TMTC1: variants seen among roughly 807,000 people sequenced by gnomAD.
The protein encoded by TMTC1 is transmembrane O-mannosyltransferase targeting cadherins 1.
A neutral mutation model predicts 104.8 loss-of-function variants in TMTC1; 73 were observed. The ratio of observed to expected loss-of-function variants is 0.70; its 90% CI spans 0.58 to 0.85. TMTC1 has a LOEUF of 0.85. Among genes scored for constraint, TMTC1 ranks in the 40% least tolerant of loss-of-function variants. TMTC1 has a pLI of 0.00. For missense variants in TMTC1, 1,035 were observed against 1,096.1 expected, an observed-to-expected ratio of 0.94 and a Z score of 0.79; for synonymous variants, 434 against 428.7, an observed-to-expected ratio of 1.01 and a Z score of -0.15.
intron 10 of TMTC1, among the ~76,000 whole-genome samples, chr12:29,542,319 A>T (rs774375778): frequency 2.0e-5 from 3 of 152,124 alleles, no homozygotes; most frequent in East Asian, 3.9e-4. Context: ...AGAGGGTTCA[A>T]CCGGCACTGA....
intron 5 of TMTC1, among the ~76,000 whole-genome samples, chr12:29,751,236 C>A (rs117339013): frequency 0.015 from 2,313 of 152,310 alleles, 21 homozygotes; most frequent in Non-Finnish European, 0.021. Flanking sequence ...GATTTTCATA[C>A]ATCTTCAAAA....
intron 5 of TMTC1, among the ~76,000 whole-genome samples, chr12:29,685,822 T>G (rs549593493): frequency 2.0e-4 from 30 of 151,818 alleles, no homozygotes; most frequent in African/African-American, 6.0e-4. Flanking sequence ...ATAGATTCCC[T>G]AATTTAAAAG....
intron 2 of TMTC1, among the ~76,000 whole-genome samples, chr12:29,761,104 T>C (rs1036086025): frequency 2.7e-5 from 4 of 148,206 alleles, no homozygotes; most frequent in Non-Finnish European, 6.0e-5. Context: ...AAACCATATA[T>C]TGCAATATAA....
chr12:29,615,888 T>C (rs1244038531), intron 6 of TMTC1, among the ~76,000 whole-genome samples: 1 of 152,126 alleles, frequency 6.6e-6, no homozygotes, highest in Admixed American at 6.5e-5. Context: ...AGCAAGGAAA[T>C]GTTTAAACAT....
At chr12:29,710,906 A>G (rs1232707471) in intron 5 of TMTC1, among the ~76,000 whole-genome samples, 3 of 21,306 alleles carry the variant, frequency 1.4e-4, no homozygotes, top group South Asian at 3.8e-3. Context: ...AAATATATTA[A>G]TAATATATAA....
At chr12:29,725,834 A>C (rs1008472276) in intron 5 of TMTC1, among the ~76,000 whole-genome samples, 6 of 152,250 alleles carry the variant, frequency 3.9e-5, no homozygotes, top group Non-Finnish European at 7.3e-5. Flanking sequence ...CTGAGAAAAA[A>C]CAATAACATT....
chr12:29,526,845 A>T (rs956134611), intron 11 of TMTC1, among the ~76,000 whole-genome samples: 4 of 152,198 alleles, frequency 2.6e-5, no homozygotes, highest in Non-Finnish European at 4.4e-5. Context: ...AACCATAATT[A>T]TGATGGATAA....
rs2136120976 is a variant in TMTC1, at chr12:29,505,836, A to G, written c.*1010T>C. The G allele has an allele frequency of 6.6e-6, 1 of 152,188 alleles. No homozygotes were observed. The highest frequency in any genetic ancestry group is 1.9e-4 in the East Asian group (1 of 5,176). 9.4% of individuals were successfully genotyped at this position (152,188 alleles called of 1,614,324 possible). On this transcript the variant is annotated 3_prime_UTR_variant, in exon 18 of 18. Transcript: ENST00000539277. Reference sequence around the variant, plus strand: ...TCTCATTAAGCCTAGGAACACAAATAAATAGAGCTCTTTTTCCATCTAGTT... The same window carrying G: ...TCTCATTAAGCCTAGGAACACAAATGAATAGAGCTCTTTTTCCATCTAGTT...
At chr12:29,535,784 G>A (rs562946255) in intron 11 of TMTC1, 178 of 168,384 alleles carry the variant, frequency 1.1e-3, no homozygotes, top group African/African-American at 4.1e-3. Flanking sequence ...TCTCTTAGGA[G>A]CCTCTCTCAC....
chr12:29,661,885 C>T (rs1940046651), intron 5 of TMTC1, among the ~76,000 whole-genome samples: 1 of 152,154 alleles, frequency 6.6e-6, no homozygotes, highest in African/African-American at 2.4e-5. Context: ...GGGGCAGGAA[C>T]CTGTGTGGAT....
intron 9 of TMTC1, chr12:29,569,117 C>T (rs549648961): frequency 2.3e-4 from 87 of 383,336 alleles, no homozygotes; most frequent in African/African-American, 1.7e-3. Flanking sequence ...AATACGTGAC[C>T]TTAGATGCAA....
chr12:29,586,047 G>A (rs1183630979), intron 7 of TMTC1, among the ~76,000 whole-genome samples: 28 of 152,152 alleles, frequency 1.8e-4, no homozygotes, highest in Middle Eastern at 3.4e-3. Context: ...CCATTTTCAC[G>A]ATATTGATTC....
In TMTC1 at chr12:29,739,994, C is replaced by T. The variant is rs143693712; in HGVS notation, c.938+11672G>A. On this transcript the variant is annotated intron_variant, in intron 5 of 17. Coordinates refer to ENST00000539277, the MANE Select transcript of TMTC1 (RefSeq NM_001193451.2). Reference sequence around the variant, plus strand: ...GTGCTGGGATTACAGGAGTGAGCCACTGCTCCCAGCCCCCATCTTTCTTTC... The same window carrying T: ...GTGCTGGGATTACAGGAGTGAGCCATTGCTCCCAGCCCCCATCTTTCTTTC... Among the ~76,000 whole-genome samples, 850 of 152,128 alleles carry T rather than the reference C, an allele frequency of 5.6e-3. 10 individuals carry two copies. Among genetic ancestry groups the T allele is most frequent in the South Asian group, 0.014 (67 of 4,818 alleles).
rs1941881134 is a variant in TMTC1 at position 29,710,686 on chromosome 12, ATTTT to A, written c.938+40976_938+40979del. 7.9e-5 allele frequency among the ~76,000 whole-genome samples: 11 copies of A among 138,694 alleles called. No homozygotes were observed. The South Asian group carries it at 1.7e-3, about 22-fold the overall frequency. The allele number at this position is 138,694 out of a possible 152,430, so 91.0% of individuals were successfully genotyped here. On this transcript the variant is annotated intron_variant, in intron 5 of 17. Transcript: ENST00000539277. ...TTATTTTTATATTTATATATTTATA[ATTTT>A]ATATATTTATAAATATGTATTTATA... is the stretch of plus-strand genomic sequence containing the variant.
At chr12:29,616,669 CAAA>C (rs71045821) in intron 6 of TMTC1, among the ~76,000 whole-genome samples, 232 of 79,764 alleles carry the variant, frequency 2.9e-3, no homozygotes, top group African/African-American at 9.7e-3. Context: ...AACTTGGTCT[CAAA>C]AAAAAAAAAA....
At chr12:29,573,201 T>C (rs1327644629) in intron 8 of TMTC1, among the ~76,000 whole-genome samples, 1 of 152,074 alleles carries the variant, frequency 6.6e-6, no homozygotes, top group South Asian at 2.1e-4. Context: ...TACTCAACAA[T>C]GGAGGGTGAT....
chr12:29,747,398 A>G (rs1450595809), intron 5 of TMTC1, among the ~76,000 whole-genome samples: 1 of 152,184 alleles, frequency 6.6e-6, no homozygotes, highest in Non-Finnish European at 1.5e-5. Flanking sequence ...CTTTCTACCC[A>G]TAAGTCAATC....
intron 5 of TMTC1, among the ~76,000 whole-genome samples, chr12:29,658,076 G>A (rs758107363): frequency 6.6e-6 from 1 of 152,126 alleles, no homozygotes; most frequent in African/African-American, 2.4e-5. Flanking sequence ...CTGGGAGACA[G>A]AGTGAGACTC....
chr12:29,635,141 T>A (rs1285572019), intron 5 of TMTC1, among the ~76,000 whole-genome samples: 1 of 151,694 alleles, frequency 6.6e-6, no homozygotes, highest in South Asian at 2.1e-4. Flanking sequence ...TAGTATATAC[T>A]GAAAGTTTGA....
Sources: gnomAD v4.1 joint callset for allele counts (sites outside exome capture counted in the v4.1 genomes callset) on GRCh38, gnomAD v4.1.1 for gene constraint, MANE v1.5 for transcripts, NCBI Gene and HGNC (gene_info 2026-07-23, HGNC 2026-07-21) for gene names.